DNAJC1: variants seen among roughly 807,000 people sequenced by gnomAD.
DNAJC1 encodes DnaJ heat shock protein family (Hsp40) member C1.
In DNAJC1, 58 loss-of-function variants were observed where a neutral mutation model predicts 76.6. The observed-to-expected ratio is 0.76, with a 90% CI of 0.61 to 0.94. The LOEUF (loss-of-function observed/expected upper bound fraction) is 0.94, where lower values mean the gene tolerates loss of function less well. DNAJC1 is among the 40% of genes least tolerant of loss of function. The pLI is 0.00. For synonymous variants in DNAJC1, 258 were observed against 267.9 expected (o/e 0.96, Z 0.36); for missense variants, 689 against 677.3 (o/e 1.02, Z -0.19).
At chr10:21,839,272 G>C (rs528860222) in intron 8 of DNAJC1, among the ~76,000 whole-genome samples, 11 of 152,290 alleles carry the variant, frequency 7.2e-5, no homozygotes, top group Middle Eastern at 3.4e-3. Context: ...GAAGGAAATA[G>C]AGACACAAAA....
chr10:21,791,052 G>A (rs1004827829), intron 9 of DNAJC1, among the ~76,000 whole-genome samples: 1 of 151,828 alleles, frequency 6.6e-6, no homozygotes, highest in South Asian at 2.1e-4. Context: ...CCATGCAAAA[G>A]GAAAACAAAA....
intron 8 of DNAJC1, among the ~76,000 whole-genome samples, chr10:21,816,879 G>A (rs1437524802): frequency 2.1e-5 from 3 of 144,682 alleles, no homozygotes; most frequent in African/African-American, 7.6e-5. Flanking sequence ...AAAATGCCGG[G>A]CGCGGTGGCT....
intron 8 of DNAJC1, among the ~76,000 whole-genome samples, chr10:21,864,795 A>C (rs1281136579): frequency 6.6e-6 from 1 of 152,112 alleles, no homozygotes; most frequent in Non-Finnish European, 1.5e-5. Context: ...TACTAAAATA[A>C]AAAGCAGGCC....
intron 1 of DNAJC1, among the ~76,000 whole-genome samples, chr10:21,991,966 T>C (rs914972073): frequency 6.6e-6 from 1 of 152,228 alleles, no homozygotes; most frequent in Non-Finnish European, 1.5e-5. Flanking sequence ...ATGTAAAACA[T>C]ACACGGATTT....
At chr10:21,967,528 T>G (rs1228739548) in intron 1 of DNAJC1, among the ~76,000 whole-genome samples, 1 of 152,228 alleles carries the variant, frequency 6.6e-6, no homozygotes, top group African/African-American at 2.4e-5. Flanking sequence ...TTTATTTCAA[T>G]TCCCTTTTTC....
intron 8 of DNAJC1, among the ~76,000 whole-genome samples, chr10:21,857,904 G>A (rs535117898): frequency 9.2e-5 from 14 of 152,034 alleles, no homozygotes; most frequent in African/African-American, 2.2e-4. Context: ...GTTTGTGTGC[G>A]TTCTGGGAGA....
At chr10:21,991,993 A>C (rs1291270327) in intron 1 of DNAJC1, among the ~76,000 whole-genome samples, 1 of 152,234 alleles carries the variant, frequency 6.6e-6, no homozygotes, top group African/African-American at 2.4e-5. Context: ...CTTAGTACAA[A>C]AAATTAAAAT....
rs1241762096 is a variant in DNAJC1 at position 21,918,771 on chromosome 10, C to T, written c.729+8G>A. The T allele has an allele frequency of 6.3e-7, 1 of 1,597,574 alleles. No homozygotes were observed. Among genetic ancestry groups the T allele is most frequent in the East Asian group, 2.2e-5 (1 of 44,702 alleles). On this transcript the variant is annotated splice_region_variant and intron_variant, in intron 6 of 11. Transcript: ENST00000376980. ...GATCTAATGTTATATAAAAGAGGTA[C>T]ATTTTACCTGGATGAGGTGAGGTAA...
At chr10:22,000,853 C>G (rs899893530) in intron 1 of DNAJC1, among the ~76,000 whole-genome samples, 5 of 152,148 alleles carry the variant, frequency 3.3e-5, no homozygotes, top group East Asian at 1.9e-4. Flanking sequence ...TCTGCCGGTG[C>G]CTTAATCTTG....
At chr10:21,984,565 C>G (rs1838208537) in intron 1 of DNAJC1, among the ~76,000 whole-genome samples, 1 of 152,122 alleles carries the variant, frequency 6.6e-6, no homozygotes, top group Non-Finnish European at 1.5e-5. Flanking sequence ...GTAAAGAAGG[C>G]AGAAAAATGT....
chr10:21,924,583 G>A (rs781154486), intron 3 of DNAJC1, among the ~76,000 whole-genome samples: 2 of 152,160 alleles, frequency 1.3e-5, no homozygotes, highest in Non-Finnish European at 2.9e-5. Context: ...ATAAAAATTT[G>A]TTGGAACATA....
chr10:21,889,113 T>G (rs1027442705), intron 7 of DNAJC1, among the ~76,000 whole-genome samples: 1 of 152,060 alleles, frequency 6.6e-6, no homozygotes, highest in Non-Finnish European at 1.5e-5. Flanking sequence ...ACAGGAAGTG[T>G]GAATGCTTCT....
intron 8 of DNAJC1, among the ~76,000 whole-genome samples, chr10:21,881,273 T>A (rs1340722018): frequency 1.3e-5 from 2 of 152,234 alleles, no homozygotes; most frequent in African/African-American, 4.8e-5. Context: ...TTTGCTTGCT[T>A]ACCTTTGATG....
At chr10:21,863,307 TAA>T (rs1835946945) in intron 8 of DNAJC1, among the ~76,000 whole-genome samples, 1 of 151,898 alleles carries the variant, frequency 6.6e-6, no homozygotes. Context: ...ATATTAGAAA[TAA>T]GAGAGGAGAC....
intron 9 of DNAJC1, among the ~76,000 whole-genome samples, chr10:21,783,467 C>T (rs1834560893): frequency 6.6e-6 from 1 of 152,158 alleles, no homozygotes; most frequent in Admixed American, 6.5e-5. Context: ...GTGACAATGG[C>T]CATACTACCC....
chr10:21,963,284 G>T (rs1590069889), intron 1 of DNAJC1, among the ~76,000 whole-genome samples: 1 of 152,128 alleles, frequency 6.6e-6, no homozygotes, highest in South Asian at 2.1e-4. Context: ...ACTTACCAAG[G>T]TTTTCACCAA....
At chr10:21,765,170 C>T (rs530055165) in intron 10 of DNAJC1, among the ~76,000 whole-genome samples, 2 of 152,186 alleles carry the variant, frequency 1.3e-5, no homozygotes, top group Admixed American at 6.5e-5. Context: ...AAAAGAAATC[C>T]AGAAATTTCC....
intron 1 of DNAJC1, among the ~76,000 whole-genome samples, chr10:21,978,626 G>C (rs1838102692): frequency 6.6e-6 from 1 of 152,064 alleles, no homozygotes; most frequent in Non-Finnish European, 1.5e-5. Flanking sequence ...TTCTGTCAAA[G>C]ATTCCACAAA....
chr10:21,773,163 C>CT (rs1163905943), intron 9 of DNAJC1, among the ~76,000 whole-genome samples: 1 of 152,130 alleles, frequency 6.6e-6, no homozygotes, highest in Non-Finnish European at 1.5e-5. Flanking sequence ...TTGTTATTTT[C>CT]TTTTTTCTGT....
Sources: allele counts gnomAD v4.1 joint callset (sites outside exome capture counted in the v4.1 genomes callset), GRCh38; gene constraint gnomAD v4.1.1; transcripts MANE v1.5; gene names NCBI Gene and HGNC (gene_info 2026-07-23, HGNC 2026-07-21).